PPP4R1: variants seen among roughly 807,000 people sequenced by gnomAD.
PPP4R1 encodes protein phosphatase 4 regulatory subunit 1.
A neutral mutation model predicts 111.2 loss-of-function variants in PPP4R1; 42 were observed. The observed-to-expected ratio is 0.38, with a 90% CI of 0.29 to 0.49. The LOEUF (loss-of-function observed/expected upper bound fraction) is 0.49, where lower values mean the gene tolerates loss of function less well. Ranked by LOEUF, PPP4R1 falls within the 20% of genes least tolerant of loss-of-function variation. The pLI, the probability that PPP4R1 is intolerant of heterozygous loss-of-function variation, is 0.97. For synonymous variants in PPP4R1, 409 were observed against 405.5 expected, an observed-to-expected ratio of 1.01 and a Z score of -0.10; for missense variants, 1,012 against 1,161.6, an observed-to-expected ratio of 0.87 and a Z score of 1.87.
intron 15 of PPP4R1, among the ~76,000 whole-genome samples, chr18:9,555,391 C>T (rs950721634): frequency 3.3e-5 from 5 of 152,038 alleles, no homozygotes; most frequent in Non-Finnish European, 2.9e-5. Context: ...TTAACTGATT[C>T]AGGTAAGAAC....
chr18:9,597,132 T>G (rs540558274), intron 2 of PPP4R1, among the ~76,000 whole-genome samples: 1 of 152,130 alleles, frequency 6.6e-6, no homozygotes, highest in East Asian at 1.9e-4. Flanking sequence ...AGAAACACAG[T>G]GAGACCCCCA....
At position 9,547,722 on chromosome 18, in the gene PPP4R1, T is replaced by G; in HGVS notation, c.*67A>C. 1 of 1,573,194 alleles carries G rather than the reference T, an allele frequency of 6.4e-7. No individual in the cohort carries two copies. The highest frequency in any genetic ancestry group is 8.7e-7 in the Non-Finnish European group (1 of 1,147,824). ...CCCCCGAAAGCTATCCCAGGTCACA[T>G]GCGTGGCGAATGCCCACTGAACCTC... On this transcript the variant is annotated 3_prime_UTR_variant, in exon 20 of 20. Coordinates refer to ENST00000400556, the MANE Select transcript of PPP4R1 (RefSeq NM_001042388.3).
intron 6 of PPP4R1, chr18:9,587,624 T>C (rs2067141656): frequency 6.5e-6 from 1 of 152,742 alleles, no homozygotes; most frequent in Non-Finnish European, 1.5e-5. Context: ...CAGGCTGATC[T>C]CAAACCCCTG....
intron 11 of PPP4R1, among the ~76,000 whole-genome samples, chr18:9,568,741 G>A (rs1272301857): frequency 6.6e-6 from 1 of 152,060 alleles, no homozygotes; most frequent in Non-Finnish European, 1.5e-5. Context: ...TATAGTTTAA[G>A]AAAAATAAAA....
At position 9,584,777 on chromosome 18, in the gene PPP4R1, T is replaced by C. The variant is rs1296410493; in HGVS notation, c.637A>G (p.Ile213Val). The C allele has an allele frequency of 6.2e-7, 1 of 1,613,686 alleles. No homozygotes were observed. Among genetic ancestry groups the C allele is most frequent in the Non-Finnish European group, 8.5e-7 (1 of 1,179,784 alleles). The change falls in exon 7 of 20, where the codon ATC (isoleucine) becomes GTC (valine). Residue 213 changes from isoleucine to valine, a missense_variant. Ile to Val is a conservative substitution (Grantham distance 29). This residue lies in a region of PPP4R1 where 707 missense variants were observed against 742.1 expected (regional missense o/e 0.95). Transcript: ENST00000400556. ...MVGKDITERL[I>V]LPRFCEMCCD... The stretch of plus-strand genomic sequence containing the variant: ...CACATCTCACAAAACCTAGGGAGGA[T>C]AAGACGCTCTGTAATATCCTTCCCA...
chr18:9,584,961 A>G lies in PPP4R1; in HGVS notation c.586-133T>C, dbSNP rs547811172. The G allele has an allele frequency of 1.2e-4, 75 of 634,168 alleles. No individual in the cohort carries two copies. In the African/African-American group the frequency reaches 1.4e-3, roughly 12 times the overall value. 39.3% of individuals were successfully genotyped at this position (634,168 alleles called of 1,614,324 possible). On this transcript the variant is annotated intron_variant, in intron 6 of 19. Transcript: ENST00000400556. ...CATCATTATACTATATACATGACAG[A>G]AAACATTCATAGCCAATTATTAATT...
At chr18:9,555,333 C>G (rs1441783026) in intron 15 of PPP4R1, among the ~76,000 whole-genome samples, 1 of 151,758 alleles carries the variant, frequency 6.6e-6, no homozygotes, top group Non-Finnish European at 1.5e-5. Context: ...TAAAAAAAAA[C>G]AGAAAGAATT....
chr18:9,590,559 A>T (rs2067194016), intron 4 of PPP4R1, among the ~76,000 whole-genome samples: 1 of 152,210 alleles, frequency 6.6e-6, no homozygotes, highest in East Asian at 1.9e-4. Context: ...CCGCTTAGGC[A>T]AATAGACTAA....
chr18:9,583,363 C>T, intron 8 of PPP4R1, 88 bp from the exon 9 acceptor site: 1 of 1,269,544 alleles, frequency 7.9e-7, no homozygotes, highest in Non-Finnish European at 1.1e-6. Flanking sequence ...TTTCACGCTT[C>T]TTTTGTTTGT....
At chr18:9,611,802 G>T (rs182807943) in intron 2 of PPP4R1, among the ~76,000 whole-genome samples, 2 of 151,938 alleles carry the variant, frequency 1.3e-5, no homozygotes, top group Non-Finnish European at 2.9e-5. Flanking sequence ...ACCTGAGGTC[G>T]GGAGTTCGAG....
intron 2 of PPP4R1, among the ~76,000 whole-genome samples, chr18:9,602,912 G>T (rs1439343576): frequency 6.6e-6 from 1 of 152,132 alleles, no homozygotes; most frequent in Non-Finnish European, 1.5e-5. Flanking sequence ...GAGAGATCTG[G>T]ATTCAAATCC....
intron 14 of PPP4R1, 147 bp downstream of exon 14, chr18:9,559,272 G>A (rs2066636050): frequency 1.3e-6 from 1 of 795,178 alleles, no homozygotes; most frequent in South Asian, 3.6e-5. Flanking sequence ...AACATGCTCT[G>A]TTATTACTCT....
chr18:9,588,209 C>T lies in PPP4R1; in HGVS notation c.465G>A (p.Leu155=). The T allele has an allele frequency of 6.2e-7, 1 of 1,613,970 alleles. No homozygotes were observed. The highest frequency in any genetic ancestry group is 8.5e-7 in the Non-Finnish European group (1 of 1,179,926). Residue 155 remains leucine (L), a synonymous_variant, in exon 6 of 20, where the codon TTG becomes TTA. Transcript: ENST00000400556. ...NQVRKTSQAA[L]LALLEQELIE... ...TGAGCTCCTGCTCCAACAGAGCCAGCAAAGCTGCCTGACTTGTTTTCCTCA... is the reference window on the plus strand; with the variant it reads ...TGAGCTCCTGCTCCAACAGAGCCAGTAAAGCTGCCTGACTTGTTTTCCTCA...
intron 6 of PPP4R1, among the ~76,000 whole-genome samples, chr18:9,585,860 G>T (rs1007007567): frequency 6.6e-6 from 1 of 152,004 alleles, no homozygotes; most frequent in East Asian, 1.9e-4. Flanking sequence ...AAAGATTAAA[G>T]ATATAAATCA....
At chr18:9,560,983 T>A (rs539444605) in intron 13 of PPP4R1, among the ~76,000 whole-genome samples, 11 of 152,156 alleles carry the variant, frequency 7.2e-5, no homozygotes, top group Middle Eastern at 3.4e-3. Flanking sequence ...TTTGGGAGGC[T>A]GAGGTGGGCG....
At position 9,614,041 on chromosome 18, in the gene PPP4R1, C is replaced by A. The variant is rs907334274; in HGVS notation, c.52+185G>T. ...CGGGCGTCTCCCTCCCCCAGCGGAA[C>A]CTGGGCGCGCCGTTTCCTCACGGAC... is the stretch of plus-strand genomic sequence containing the variant. On this transcript the variant is annotated intron_variant, in intron 2 of 19. Coordinates refer to ENST00000400556, the MANE Select transcript of PPP4R1 (RefSeq NM_001042388.3). This position sits in a 1 kb window ranked among gnomAD's most constrained non-coding sequence, Gnocchi z 4.1. 3 of 377,858 alleles carry A rather than the reference C, an allele frequency of 7.9e-6. No individual in the cohort carries two copies. Among genetic ancestry groups the A allele is most frequent in the Non-Finnish European group, 1.3e-5 (3 of 232,538 alleles). 23.4% of individuals were successfully genotyped at this position (377,858 alleles called of 1,614,324 possible). A position where few individuals can be genotyped will look rare whatever the true frequency, so the allele number is the denominator to read the frequency against.
chr18:9,595,205 C>T (rs776108537), intron 2 of PPP4R1, 52 bp from the exon 3 acceptor site: 41 of 1,567,510 alleles, frequency 2.6e-5, no homozygotes, highest in Non-Finnish European at 3.3e-5. Flanking sequence ...CTAAAATGTA[C>T]CCCTTGCCTG....
intron 11 of PPP4R1, among the ~76,000 whole-genome samples, chr18:9,567,770 G>A (rs2066792810): frequency 6.6e-6 from 1 of 152,146 alleles, no homozygotes; most frequent in Non-Finnish European, 1.5e-5. Context: ...TTCATGAAAG[G>A]AAGAGTCAAC....
At chr18:9,604,588 A>G (rs1479222490) in intron 2 of PPP4R1, among the ~76,000 whole-genome samples, 1 of 151,956 alleles carries the variant, frequency 6.6e-6, no homozygotes, top group Non-Finnish European at 1.5e-5. Flanking sequence ...ACCTCATCTC[A>G]GCTTAAATTT....
Sources: gnomAD v4.1 joint callset for allele counts (sites outside exome capture counted in the v4.1 genomes callset) on GRCh38, gnomAD v4.1.1 for gene constraint, gnomAD v4.1.1 regional missense constraint, Gnocchi (gnomAD v3.1) non-coding constraint, MANE v1.5 for transcripts, NCBI Gene and HGNC (gene_info 2026-07-23, HGNC 2026-07-21) for gene names.